The following CFAP221 variants were observed in gnomAD, a reference collection of about 807,000 sequenced individuals.
The protein encoded by CFAP221 is cilia- and flagella-associated protein 221.
In CFAP221, 97 loss-of-function variants were observed where a neutral mutation model predicts 113.1. The ratio of observed to expected loss-of-function variants is 0.86; its 90% CI spans 0.73 to 1.02. CFAP221 has a LOEUF of 1.02. Ranked by LOEUF, CFAP221 falls within the 50% of genes least tolerant of loss-of-function variation. CFAP221 has a pLI of 0.00. For synonymous variants in CFAP221, 331 were observed against 354.4 expected (o/e 0.93, Z 0.74); for missense variants, 1,025 against 1,013.4 (o/e 1.01, Z -0.16).
intron 6 of CFAP221, among the ~76,000 whole-genome samples, chr2:119,576,971 T>G (rs1192261769): frequency 6.6e-6 from 1 of 152,242 alleles, no homozygotes; most frequent in Non-Finnish European, 1.5e-5. Context: ...CTTCCTTCTC[T>G]CTATGTGTAT....
intron 19 of CFAP221, 122 bp downstream of exon 19, chr2:119,631,023 A>G (rs1686739440): frequency 6.8e-7 from 1 of 1,462,138 alleles, no homozygotes; most frequent in East Asian, 2.3e-5. Flanking sequence ...GTTAAACAAT[A>G]TCTGACCTTT....
Position 119,601,259 on chromosome 2 carries a change from T to C in CFAP221, c.673T>C (p.Phe225Leu), listed in dbSNP as rs529182212. ...TGGGAAGATGACTGTGACTATTAAGTTTACACCCTTTCAGTATGGGACTGC... is the reference window on the plus strand; with the variant it reads ...TGGGAAGATGACTGTGACTATTAAGCTTACACCCTTTCAGTATGGGACTGC... The part of the protein sequence containing the change: ...ANGKMTVTIK[F>L]TPFQYGTAQI... Residue 225 changes from phenylalanine to leucine, a missense_variant, in exon 8 of 24, where the codon TTT becomes CTT. Transcript: ENST00000413369. The C allele has an allele frequency of 6.5e-7, 1 of 1,534,892 alleles. No individual in the cohort carries two copies. The highest frequency in any genetic ancestry group is 2.0e-5 in the Admixed American group (1 of 50,926).
chr2:119,599,470 C>G (rs1684218084), intron 7 of CFAP221, among the ~76,000 whole-genome samples: 1 of 152,152 alleles, frequency 6.6e-6, no homozygotes, highest in African/African-American at 2.4e-5. Context: ...GCCTGCTTTC[C>G]TAAAATTTAC....
chr2:119,617,347 GCAAA>G (rs1052122629), intron 14 of CFAP221, among the ~76,000 whole-genome samples: 2 of 152,198 alleles, frequency 1.3e-5, no homozygotes, highest in African/African-American at 4.8e-5. Context: ...CTGCATATGT[GCAAA>G]CAGAGTCCAC....
chr2:119,616,519 C>T (rs1685538263), intron 14 of CFAP221, among the ~76,000 whole-genome samples: 1 of 152,186 alleles, frequency 6.6e-6, no homozygotes, highest in African/African-American at 2.4e-5. Flanking sequence ...GTGGCTTCCT[C>T]ACCCTCATGC....
At chr2:119,656,241 A>G in intron 23 of CFAP221, 121 bp from the exon 24 acceptor site, 1 of 702,420 alleles carries the variant, frequency 1.4e-6, no homozygotes, top group Non-Finnish European at 2.5e-6. Context: ...TGTGGTGAAA[A>G]CCTTCTTTGT....
At chr2:119,623,467 A>G (rs938810480) in intron 14 of CFAP221, among the ~76,000 whole-genome samples, 2 of 152,234 alleles carry the variant, frequency 1.3e-5, no homozygotes, top group Non-Finnish European at 2.9e-5. Flanking sequence ...ATTCAATGCT[A>G]TTCCCATCAA....
intron 7 of CFAP221, among the ~76,000 whole-genome samples, chr2:119,592,966 C>A (rs1683698176): frequency 6.6e-6 from 1 of 152,100 alleles, no homozygotes; most frequent in East Asian, 1.9e-4. Flanking sequence ...ATTTTTGTCC[C>A]CTGGAAAATG....
chr2:119,600,340 A>T (rs1202464122), intron 7 of CFAP221, among the ~76,000 whole-genome samples: 2 of 152,226 alleles, frequency 1.3e-5, no homozygotes, highest in African/African-American at 4.8e-5. Flanking sequence ...GAAAGAATCA[A>T]ATTATACAAA....
intron 16 of CFAP221, 98 bp downstream of exon 16, chr2:119,627,884 T>A: frequency 6.8e-7 from 1 of 1,468,498 alleles, no homozygotes; most frequent in South Asian, 1.3e-5. Context: ...TCCCTTCACC[T>A]CCTCCCAGAG....
intron 6 of CFAP221, among the ~76,000 whole-genome samples, chr2:119,586,065 G>A (rs1009338408): frequency 6.6e-6 from 1 of 152,186 alleles, no homozygotes; most frequent in Non-Finnish European, 1.5e-5. Context: ...AAGCTAAAAG[G>A]ATAAGAGGCA....
chr2:119,559,918 T>C lies in CFAP221; in HGVS notation c.328-10T>C. 2 of 1,533,638 alleles carry C rather than the reference T, an allele frequency of 1.3e-6. No homozygotes were observed. The highest frequency in any genetic ancestry group is 3.9e-5 in the Admixed American group (2 of 50,990). On this transcript the variant is annotated splice_polypyrimidine_tract_variant and intron_variant, in intron 4 of 23. Coordinates refer to ENST00000413369, the MANE Select transcript of CFAP221 (RefSeq NM_001271049.2). ...GGGCTTGTCCCAACAAGATGCCACC[T>C]GTCTTCCAGGAACACCACCTGGTCC...
chr2:119,572,489 C>A, intron 6 of CFAP221: 1 of 662,850 alleles, frequency 1.5e-6, no homozygotes, highest in Non-Finnish European at 2.8e-6. Flanking sequence ...TTATATTTTT[C>A]CATTCCCATG....
chr2:119,554,194 C>T (rs1020017752), intron 3 of CFAP221, among the ~76,000 whole-genome samples: 3 of 152,172 alleles, frequency 2.0e-5, no homozygotes, highest in African/African-American at 7.2e-5. Context: ...GCAAACTATG[C>T]AAATTGCCCA....
chr2:119,627,537 AT>A, intron 15 of CFAP221, 115 bp from the exon 16 acceptor site: 3 of 729,252 alleles, frequency 4.1e-6, no homozygotes, highest in Non-Finnish European at 6.4e-6. Flanking sequence ...ATATATATAT[AT>A]ATATATACAC....
chr2:119,645,291 A>C (rs1162175592), intron 21 of CFAP221, among the ~76,000 whole-genome samples: 1 of 151,588 alleles, frequency 6.6e-6, no homozygotes, highest in Non-Finnish European at 1.5e-5. Context: ...AACGTTTTCC[A>C]AACTCAAAAC....
At chr2:119,655,608 T>C (rs1366069947) in intron 23 of CFAP221, among the ~76,000 whole-genome samples, 1 of 152,178 alleles carries the variant, frequency 6.6e-6, no homozygotes, top group East Asian at 1.9e-4. Context: ...ACAAGACATA[T>C]GGCCTTTTAA....
intron 14 of CFAP221, among the ~76,000 whole-genome samples, chr2:119,619,488 C>A (rs1451196343): frequency 4.6e-5 from 7 of 152,186 alleles, no homozygotes; most frequent in Non-Finnish European, 7.3e-5. Flanking sequence ...AGACCTGCAG[C>A]AGAGGGGCCT....
Position 119,593,712 on chromosome 2 carries a change from G to A in CFAP221, c.631+6490G>A, listed in dbSNP as rs541724936. Among the ~76,000 whole-genome samples the A allele has an allele frequency of 6.6e-5, 10 of 152,180 alleles. No individual in the cohort carries two copies. In the East Asian group the frequency reaches 1.5e-3, roughly 24 times the overall value. The stretch of plus-strand genomic sequence containing the variant: ...AAATTAGCCAGGCGTAGTGACGGGC[G>A]CCTATAGTCCCAGCTACCGGGAGGC... On this transcript the variant is annotated intron_variant, in intron 7 of 23. Transcript: ENST00000413369.
Sources: allele counts gnomAD v4.1 joint callset (sites outside exome capture counted in the v4.1 genomes callset), GRCh38; gene constraint gnomAD v4.1.1; transcripts MANE v1.5; gene names NCBI Gene and HGNC (gene_info 2026-07-23, HGNC 2026-07-21).